The following BYSL variants were observed in gnomAD, a reference collection of about 807,000 sequenced individuals.
BYSL encodes the protein bystin.
Under a neutral mutation model 45.4 loss-of-function variants are expected in BYSL, and 21 were observed. That is an observed-to-expected ratio of 0.46 (90% CI 0.33 to 0.67). BYSL has a LOEUF of 0.67. Ranked by LOEUF, BYSL falls within the 30% of genes least tolerant of loss-of-function variation. BYSL has a pLI of 0.02. For synonymous variants in BYSL, 215 were observed against 231.3 expected (o/e 0.93, Z 0.64); for missense variants, 522 against 578.5 (o/e 0.90, Z 1.00).
chr6:41,912,459 C>T, the BYSL span, among the ~76,000 whole-genome samples: 1 of 148,784 alleles, frequency 6.7e-6, no homozygotes, highest in South Asian at 2.1e-4. Context: ...CAAGTTCAAA[C>T]GATTCTCCTG....
At chr6:41,922,354 GT>G (rs1561942677) in intron 1 of BYSL, among the ~76,000 whole-genome samples, 1 of 152,232 alleles carries the variant, frequency 6.6e-6, no homozygotes, top group Admixed American at 6.5e-5. Context: ...AATGGGAAGT[GT>G]TATGAGCAGA....
At chr6:41,922,636 C>T (rs2127384058) in intron 1 of BYSL, among the ~76,000 whole-genome samples, 1 of 152,336 alleles carries the variant, frequency 6.6e-6, no homozygotes, top group South Asian at 2.1e-4. Context: ...AGTCCTCTGA[C>T]CTCTTCAAAT....
the BYSL span, among the ~76,000 whole-genome samples, chr6:41,916,346 G>A: frequency 1.4e-4 from 21 of 152,148 alleles, no homozygotes; most frequent in Non-Finnish European, 2.8e-4. Flanking sequence ...TTGGGAGGCC[G>A]AGGTGGGCAG....
intron 1 of BYSL, among the ~76,000 whole-genome samples, chr6:41,924,457 T>C (rs1370301034): frequency 1.3e-5 from 2 of 152,114 alleles, no homozygotes; most frequent in African/African-American, 4.8e-5. Flanking sequence ...GCGTTCAGGG[T>C]GGTATGGTCG....
upstream of BYSL, among the ~76,000 whole-genome samples, chr6:41,918,670 G>A (rs1463416311): frequency 2.6e-4 from 38 of 145,020 alleles, no homozygotes; most frequent in Non-Finnish European, 3.0e-4. Context: ...AAAAATGGCC[G>A]GGCGCGGTGG....
the BYSL span, among the ~76,000 whole-genome samples, chr6:41,911,720 C>G: frequency 6.6e-6 from 1 of 152,056 alleles, no homozygotes; most frequent in Non-Finnish European, 1.5e-5. Context: ...ATATGGCTTC[C>G]CTATACAGGC....
chr6:41,921,024 C>T, upstream of BYSL: 1 of 1,613,008 alleles, frequency 6.2e-7, no homozygotes, highest in South Asian at 1.1e-5. Context: ...CCCATGGCGT[C>T]GGGCCAGGAA....
intron 1 of BYSL, among the ~76,000 whole-genome samples, chr6:41,926,319 T>G (rs538141476): frequency 1.3e-5 from 2 of 152,236 alleles, no homozygotes; most frequent in Non-Finnish European, 2.9e-5. Flanking sequence ...CTTGGGCAAA[T>G]TACCCAACTT....
chr6:41,931,635 G>T, intron 5 of BYSL, 79 bp downstream of exon 5: 3 of 1,609,734 alleles, frequency 1.9e-6, no homozygotes, highest in Non-Finnish European at 2.6e-6. Flanking sequence ...GTGGGAAATT[G>T]CTAGCTGTCC....
the BYSL span, chr6:41,909,029 A>T: frequency 1.9e-6 from 1 of 531,092 alleles, no homozygotes; most frequent in Non-Finnish European, 3.3e-6. Context: ...CTAAAAAAAA[A>T]AAAAAATTTA....
chr6:41,915,513 C>T, the BYSL span, among the ~76,000 whole-genome samples: 28 of 147,548 alleles, frequency 1.9e-4, no homozygotes, highest in Non-Finnish European at 3.6e-4. Context: ...ACACGCTGGG[C>T]GCGGTGGCTC....
chr6:41,910,741 T>C, the BYSL span, among the ~76,000 whole-genome samples: 4 of 151,784 alleles, frequency 2.6e-5, no homozygotes, highest in African/African-American at 9.7e-5. Context: ...TTATTACATA[T>C]ATAAGCCATT....
chr6:41,913,303 A>G, the BYSL span, among the ~76,000 whole-genome samples: 1 of 152,050 alleles, frequency 6.6e-6, no homozygotes, highest in Non-Finnish European at 1.5e-5. Context: ...TGAAGCTCCA[A>G]TCCAGGCATG....
chr6:41,932,629 C>T lies in BYSL; in HGVS notation c.1237C>T (p.Leu413=), dbSNP rs144160352. Residue 413 remains leucine, a synonymous_variant, in exon 7 of 7, where the codon CTA becomes TTA. Coordinates refer to ENST00000230340, the MANE Select transcript of BYSL (RefSeq NM_004053.4). The surrounding 1 kb of genome is among the most constrained non-coding windows in gnomAD (Gnocchi z 4.7). ...GCTCCGGCTGCAGCCCCATCCACAGCTATCGCCCGAAATCAGGCGTGAGCT... is the reference window on the plus strand; with the variant it reads ...GCTCCGGCTGCAGCCCCATCCACAGTTATCGCCCGAAATCAGGCGTGAGCT... ...ELLRLQPHPQ[L]SPEIRRELQS... The T allele has an allele frequency of 7.4e-6, 12 of 1,614,242 alleles. No individual in the cohort carries two copies. In the African/African-American group the frequency reaches 1.2e-4, roughly 16 times the overall value.
chr6:41,930,802 T>C (rs200733072), intron 4 of BYSL, 34 bp downstream of exon 4: 2 of 1,598,280 alleles, frequency 1.3e-6, no homozygotes, highest in South Asian at 2.3e-5. Context: ...GCCTTGGGTT[T>C]ATAGGTGCAG....
At chr6:41,909,609 C>A in the BYSL span, 2 of 1,552,742 alleles carry the variant, frequency 1.3e-6, no homozygotes, top group Non-Finnish European at 1.8e-6. Context: ...CGGAATGAGG[C>A]CAGACAGCAA....
At chr6:41,910,644 A>C in the BYSL span, among the ~76,000 whole-genome samples, 3 of 151,274 alleles carry the variant, frequency 2.0e-5, no homozygotes, top group African/African-American at 7.3e-5. Context: ...AAAAAAAAAA[A>C]GAAAAAAAAA....
chr6:41,913,982 A>G, the BYSL span, among the ~76,000 whole-genome samples: 1 of 152,236 alleles, frequency 6.6e-6, no homozygotes, highest in Non-Finnish European at 1.5e-5. Flanking sequence ...GAGAAGTACT[A>G]TGATTATCTT....
At position 41,930,634 on chromosome 6, in the gene BYSL, G is replaced by A; in HGVS notation, c.571-1G>A. 6.2e-7 allele frequency: 1 copy of A among 1,607,926 alleles called. No homozygotes were observed. The highest frequency in any genetic ancestry group is 8.5e-7 in the Non-Finnish European group (1 of 1,177,896). On this transcript the variant is annotated splice_acceptor_variant, in intron 3 of 6. Coordinates refer to ENST00000230340, the MANE Select transcript of BYSL (RefSeq NM_004053.4). LOFTEE classifies it high-confidence loss of function. Reference sequence around the variant, plus strand: ...GATTGTTTTACCTCCCTCATCCCTAGGTATTATCTAAGTACCGCAGTGGAA... The same window carrying A: ...GATTGTTTTACCTCCCTCATCCCTAAGTATTATCTAAGTACCGCAGTGGAA...
Sources: allele counts gnomAD v4.1 joint callset (sites outside exome capture counted in the v4.1 genomes callset), GRCh38; gene constraint gnomAD v4.1.1; non-coding constraint Gnocchi (gnomAD v3.1); transcripts MANE v1.5; gene names NCBI Gene and HGNC (gene_info 2026-07-23, HGNC 2026-07-21).